Variants in OASL observed in about 807,000 individuals in gnomAD.
OASL encodes 2'-5'-oligoadenylate synthase-like protein.
Under a neutral mutation model 35.3 loss-of-function variants are expected in OASL, and 28 were observed. The ratio of observed to expected loss-of-function variants is 0.79; its 90% CI spans 0.59 to 1.09. The LOEUF (loss-of-function observed/expected upper bound fraction) is 1.09. OASL is among the 50% of genes least tolerant of loss of function. The pLI is 0.00. For synonymous variants in OASL, 252 were observed against 254.6 expected (o/e 0.99, Z 0.10); for missense variants, 620 against 635.2 (o/e 0.98, Z 0.26).
At chr12:121,019,512 T>G (rs1869149159) in exon 6 of OASL, 2 of 152,226 alleles carry the variant, frequency 1.3e-5, no homozygotes, top group African/African-American at 2.4e-5. Flanking sequence ...GTATGGGTTT[T>G]AGGAGTTGAG....
chr12:121,019,526 A>AC (rs1869149928), exon 6 of OASL: 1 of 151,384 alleles, frequency 6.6e-6, no homozygotes, highest in South Asian at 2.1e-4. Context: ...AGTTGAGGTG[A>AC]TTTTTTTTTA....
At chr12:121,018,296 C>A (rs73214156), downstream of OASL, among the ~76,000 whole-genome samples, 2 of 151,984 alleles carry the variant, frequency 1.3e-5, no homozygotes, top group Admixed American at 6.6e-5. Context: ...CTCCTGTAAA[C>A]AGGAAGTTTC....
chr12:121,021,509 C>A (rs1000308630), intron 5 of OASL, among the ~76,000 whole-genome samples: 1 of 152,336 alleles, frequency 6.6e-6, no homozygotes, highest in African/African-American at 2.4e-5. Context: ...CTGATTCTTT[C>A]CAGAAGAAAT....
chr12:121,018,704 T>C (rs1345783866), downstream of OASL, among the ~76,000 whole-genome samples: 2 of 149,718 alleles, frequency 1.3e-5, no homozygotes, highest in African/African-American at 4.9e-5. Flanking sequence ...CCGTCTCTAC[T>C]AAAAATAAAA....
intron 3 of OASL, 63 bp from the exon 4 acceptor site, chr12:121,027,880 T>A (rs973511766): frequency 6.9e-6 from 10 of 1,450,434 alleles, no homozygotes; most frequent in Non-Finnish European, 9.6e-6. Context: ...AGGATGGCGT[T>A]GGACCAGAAG....
At chr12:121,023,352 G>A (rs1263991461) in intron 5 of OASL, among the ~76,000 whole-genome samples, 2 of 143,992 alleles carry the variant, frequency 1.4e-5, no homozygotes, top group Non-Finnish European at 3.0e-5. Flanking sequence ...GCAATGGCAC[G>A]ATCTCAGCTC....
exon 6 of OASL, chr12:121,020,412 G>T: frequency 1.2e-6 from 1 of 837,862 alleles, no homozygotes; most frequent in Non-Finnish European, 1.8e-6. Flanking sequence ...TGGGATTACA[G>T]GTGTGAGCTA....
exon 4 of OASL, chr12:121,027,777 A>G (rs191316500): frequency 2.2e-5 from 36 of 1,614,130 alleles, no homozygotes; most frequent in Non-Finnish European, 3.1e-5. Context: ...AAGAGCATAG[A>G]GAGGGGGCAG....
At chr12:121,017,928 G>C (rs1869076479), downstream of OASL, among the ~76,000 whole-genome samples, 1 of 152,230 alleles carries the variant, frequency 6.6e-6, no homozygotes, top group South Asian at 2.1e-4. Flanking sequence ...CCTGTTGCAG[G>C]AGTTGGCTTT....
chr12:121,030,084 A>G (rs1273711299), intron 3 of OASL, among the ~76,000 whole-genome samples: 1 of 152,110 alleles, frequency 6.6e-6, no homozygotes, highest in Non-Finnish European at 1.5e-5. Flanking sequence ...TATGTTGCTC[A>G]GGCTGGTCTT....
chr12:121,022,523 A>G (rs1159384095), intron 5 of OASL, among the ~76,000 whole-genome samples: 3 of 152,210 alleles, frequency 2.0e-5, no homozygotes, highest in East Asian at 3.8e-4. Flanking sequence ...CCCAGCCTAC[A>G]ATGGCTTTTA....
chr12:121,022,375 G>A (rs768325847), intron 5 of OASL, among the ~76,000 whole-genome samples: 9 of 152,038 alleles, frequency 5.9e-5, no homozygotes, highest in East Asian at 3.9e-4. Context: ...GTGAGCCACC[G>A]CACCTGGCCA....
Position 121,033,970 on chromosome 12 carries a change from C to T in OASL, c.199-227G>A, listed in dbSNP as rs371596917. Among the ~76,000 whole-genome samples the T allele has an allele frequency of 2.0e-5, 3 of 152,238 alleles. No individual in the cohort carries two copies. The South Asian group carries it at 6.2e-4, about 32-fold the overall frequency. On this transcript the variant is annotated intron_variant, in intron 1 of 5. Transcript: ENST00000257570. ...GCCTGAAAAAGATCTTGACACTTCC[C>T]TGTTTCTTAGCTAGGTAAATGTTCT... is the stretch of plus-strand genomic sequence containing the variant.
In OASL at chr12:121,034,598, C is replaced by CA. The variant is rs748491386; in HGVS notation, c.199-856dup. 1.7e-4 allele frequency among the ~76,000 whole-genome samples: 26 copies of CA among 152,196 alleles called. 1 individual carries two copies. The highest frequency in any genetic ancestry group is 6.8e-3 in the Middle Eastern group (2 of 294). ...TTTCATGACATTATAAAGCAAGGAGCAAGTTTGCCTGGTGGATTTAAGAGC... is the reference window on the plus strand; with the variant it reads ...TTTCATGACATTATAAAGCAAGGAGCAAAGTTTGCCTGGTGGATTTAAGAGC... On this transcript the variant is annotated intron_variant, in intron 1 of 5. Transcript: ENST00000257570.
chr12:121,032,180 G>A (rs1215701071), intron 2 of OASL, among the ~76,000 whole-genome samples: 1 of 151,112 alleles, frequency 6.6e-6, no homozygotes, highest in Non-Finnish European at 1.5e-5. Context: ...GCGACAGAGC[G>A]AGACTCCGTC....
downstream of OASL, among the ~76,000 whole-genome samples, chr12:121,018,249 TCAGCAC>T (rs1193703752): frequency 3.9e-5 from 6 of 152,058 alleles, no homozygotes; most frequent in Non-Finnish European, 5.9e-5. Flanking sequence ...TAAAATGGCG[TCAGCAC>T]CAAATGAGGA....
At chr12:121,023,707 C>T (rs562056715) in intron 5 of OASL, 6 of 320,632 alleles carry the variant, frequency 1.9e-5, no homozygotes, top group Non-Finnish European at 3.0e-5. Flanking sequence ...TTGGCTGGAC[C>T]CAACTCACGC....
chr12:121,035,185 C>T (rs1014817637), intron 1 of OASL, among the ~76,000 whole-genome samples: 1 of 152,034 alleles, frequency 6.6e-6, no homozygotes, highest in African/African-American at 2.4e-5. Context: ...TGAGCACGCC[C>T]TGTGTCTGGC....
chr12:121,029,064 GAAAAA>G (rs10577200), intron 3 of OASL, among the ~76,000 whole-genome samples: 16 of 105,094 alleles, frequency 1.5e-4, no homozygotes, highest in Admixed American at 3.5e-4. Context: ...ACTTGTCTCA[GAAAAA>G]AAAAAAAAAA....
Sources: allele counts gnomAD v4.1 joint callset (sites outside exome capture counted in the v4.1 genomes callset), GRCh38; gene constraint gnomAD v4.1.1; transcripts MANE v1.5; gene names NCBI Gene and HGNC (gene_info 2026-07-23, HGNC 2026-07-21).